FHIT: variants seen among roughly 807,000 people sequenced by gnomAD.
The protein encoded by FHIT is fragile histidine triad diadenosine triphosphatase.
FHIT carries 19 observed loss-of-function variants against 17.9 expected under a neutral mutation model. The ratio of observed to expected loss-of-function variants is 1.06; its 90% CI spans 0.74 to 1.56. The LOEUF (loss-of-function observed/expected upper bound fraction) is 1.56, where lower values mean the gene tolerates loss of function less well. Among genes scored for constraint, FHIT ranks in the 40% most tolerant of loss-of-function variants. The pLI is 0.00. For synonymous variants in FHIT, 81 were observed against 69.7 expected, an observed-to-expected ratio of 1.16 and a Z score of -0.81; for missense variants, 248 against 189.2, an observed-to-expected ratio of 1.31 and a Z score of -1.82.
intron 2 of FHIT, among the ~76,000 whole-genome samples, chr3:61,049,350 A>T (rs1001045325): frequency 1.3e-5 from 2 of 151,908 alleles, no homozygotes; most frequent in African/African-American, 4.8e-5. Context: ...AATGGTTGAT[A>T]AGAAAAAGTT....
intron 5 of FHIT, among the ~76,000 whole-genome samples, chr3:60,514,355 T>C (rs2035065625): frequency 1.3e-5 from 2 of 152,338 alleles, no homozygotes; most frequent in Admixed American, 6.5e-5. Context: ...CAGTGTTCCT[T>C]CACTCCGGTT....
intron 5 of FHIT, among the ~76,000 whole-genome samples, chr3:60,280,853 A>G (rs1309105843): frequency 1.3e-5 from 2 of 152,208 alleles, no homozygotes; most frequent in African/African-American, 2.4e-5. Flanking sequence ...AAAGGAAAGA[A>G]TATTAAGAAA....
intron 5 of FHIT, among the ~76,000 whole-genome samples, chr3:60,208,276 A>T (rs1193488276): frequency 6.6e-6 from 1 of 152,216 alleles, no homozygotes; most frequent in East Asian, 1.9e-4. Flanking sequence ...ATTTTTATTG[A>T]AGAAGCTTAT....
At chr3:61,096,063 T>C (rs2035628424) in intron 2 of FHIT, among the ~76,000 whole-genome samples, 1 of 152,174 alleles carries the variant, frequency 6.6e-6, no homozygotes, top group South Asian at 2.1e-4. Context: ...GAGGTGCCCT[T>C]TTTGCTACTG....
At chr3:60,384,026 T>C (rs908913358) in intron 5 of FHIT, among the ~76,000 whole-genome samples, 18 of 152,150 alleles carry the variant, frequency 1.2e-4, no homozygotes, top group African/African-American at 1.9e-4. Flanking sequence ...TCCCAGCACT[T>C]TGGGAGGCCG....
intron 5 of FHIT, among the ~76,000 whole-genome samples, chr3:60,463,960 G>A (rs1319742693): frequency 6.6e-6 from 1 of 152,204 alleles, no homozygotes; most frequent in Non-Finnish European, 1.5e-5. Flanking sequence ...TCTAGCAAGT[G>A]TGTGGCAAAG....
intron 5 of FHIT, among the ~76,000 whole-genome samples, chr3:60,270,339 A>G (rs986747272): frequency 2.0e-5 from 3 of 152,158 alleles, no homozygotes; most frequent in African/African-American, 7.2e-5. Flanking sequence ...CTTCACATAC[A>G]ATCCCTATTT....
intron 3 of FHIT, among the ~76,000 whole-genome samples, chr3:60,986,388 T>C (rs1013129118): frequency 6.6e-6 from 1 of 152,242 alleles, no homozygotes; most frequent in African/African-American, 2.4e-5. Flanking sequence ...TTTAATTCTA[T>C]GTACATTCTC....
intron 2 of FHIT, among the ~76,000 whole-genome samples, chr3:61,186,480 G>A (rs932018507): frequency 6.6e-6 from 1 of 152,200 alleles, no homozygotes; most frequent in Non-Finnish European, 1.5e-5. Context: ...GAGGCACAGG[G>A]AGTTGCACGG....
chr3:60,672,414 G>A (rs1308473540), intron 4 of FHIT, among the ~76,000 whole-genome samples: 2 of 152,002 alleles, frequency 1.3e-5, no homozygotes, highest in African/African-American at 2.4e-5. Flanking sequence ...GTCGCAAGGT[G>A]CTCAGTGGGG....
intron 8 of FHIT, among the ~76,000 whole-genome samples, chr3:59,833,741 T>A (rs1701244500): frequency 6.6e-6 from 1 of 152,104 alleles, no homozygotes; most frequent in African/African-American, 2.4e-5. Context: ...CCCCACCCAA[T>A]CTCATCTCGA....
At chr3:59,772,393 A>G (rs1217385697) in intron 8 of FHIT, among the ~76,000 whole-genome samples, 1 of 152,188 alleles carries the variant, frequency 6.6e-6, no homozygotes, top group Non-Finnish European at 1.5e-5. Context: ...GGTGGAAGCC[A>G]TTTAGAACAG....
At chr3:60,313,675 T>C (rs1327290462) in intron 5 of FHIT, among the ~76,000 whole-genome samples, 1 of 152,094 alleles carries the variant, frequency 6.6e-6, no homozygotes. Flanking sequence ...AATATGGTGA[T>C]ATGAAATGAC....
intron 4 of FHIT, among the ~76,000 whole-genome samples, chr3:60,572,378 G>A (rs932986838): frequency 3.9e-5 from 6 of 151,976 alleles, no homozygotes; most frequent in African/African-American, 1.2e-4. Flanking sequence ...GATTCACTCT[G>A]TTTTATAATA....
chr3:59,941,955 C>A (rs536433378), intron 7 of FHIT, among the ~76,000 whole-genome samples: 4 of 152,286 alleles, frequency 2.6e-5, no homozygotes, highest in Admixed American at 1.3e-4. Flanking sequence ...GAGCTCACTC[C>A]TCTCGTGAAC....
At chr3:60,908,714 GAAAAA>G (rs5849399) in intron 3 of FHIT, among the ~76,000 whole-genome samples, 2 of 117,392 alleles carry the variant, frequency 1.7e-5, no homozygotes, top group Non-Finnish European at 1.8e-5. Context: ...AGTCTCTTAT[GAAAAA>G]AAAAAAAAAA....
chr3:60,705,782 T>G (rs1311425691), intron 4 of FHIT, among the ~76,000 whole-genome samples: 1 of 152,168 alleles, frequency 6.6e-6, no homozygotes, highest in Non-Finnish European at 1.5e-5. Context: ...AAGCTACACA[T>G]GCGTCTCACA....
intron 3 of FHIT, among the ~76,000 whole-genome samples, chr3:60,982,040 C>T (rs892289426): frequency 3.9e-5 from 6 of 152,260 alleles, no homozygotes; most frequent in Admixed American, 6.5e-5. Flanking sequence ...GCCTCTACCA[C>T]AGCCTCCTAA....
chr3:60,514,885 A>C (rs984543109), intron 5 of FHIT, among the ~76,000 whole-genome samples: 8 of 151,726 alleles, frequency 5.3e-5, no homozygotes, highest in Non-Finnish European at 1.2e-4. Context: ...TCCCACCAAC[A>C]GCCACACTGA....
Sources: allele counts gnomAD v4.1 joint callset (sites outside exome capture counted in the v4.1 genomes callset), GRCh38; gene constraint gnomAD v4.1.1; transcripts MANE v1.5; gene names NCBI Gene and HGNC (gene_info 2026-07-23, HGNC 2026-07-21).